PIAS2: variants seen among roughly 807,000 people sequenced by gnomAD.
The protein encoded by PIAS2 is E3 SUMO-protein ligase PIAS2.
A neutral mutation model predicts 69.7 loss-of-function variants in PIAS2; 19 were observed. The ratio of observed to expected loss-of-function variants is 0.27; its 90% CI spans 0.19 to 0.40. PIAS2 has a LOEUF of 0.40. PIAS2 is among the 10% of genes least tolerant of loss of function. PIAS2 has a pLI of 1.00. For missense variants in PIAS2, 624 were observed against 757.0 expected, an observed-to-expected ratio of 0.82 and a Z score of 2.06; for synonymous variants, 261 against 263.2, an observed-to-expected ratio of 0.99 and a Z score of 0.08.
intron 11 of PIAS2, 24 bp from the exon 12 acceptor site, chr18:46,821,096 TACAA>T (rs779078174): frequency 1.8e-5 from 29 of 1,611,694 alleles, no homozygotes; most frequent in Non-Finnish European, 2.4e-5. Flanking sequence ...CACGGGAAAT[TACAA>T]ACAATCTGGC....
intron 2 of PIAS2, among the ~76,000 whole-genome samples, chr18:46,885,306 C>T (rs1000787508): frequency 6.6e-6 from 1 of 152,042 alleles, no homozygotes; most frequent in East Asian, 1.9e-4. Flanking sequence ...ACCACGAGGT[C>T]AGGAGTTCGA....
chr18:46,917,671 C>T, upstream of PIAS2: 1 of 594,790 alleles, frequency 1.7e-6, no homozygotes, highest in Non-Finnish European at 2.1e-6. Context: ...CCCCGCTCGG[C>T]CCCAGGTCGT....
Position 46,811,450 on chromosome 18 carries a change from AG to A in PIAS2, c.*982del, listed in dbSNP as rs1457553610. 2 of 152,208 alleles carry A rather than the reference AG, an allele frequency of 1.3e-5. No individual in the cohort carries two copies. The highest frequency in any genetic ancestry group is 2.9e-5 in the Non-Finnish European group (2 of 68,038). The allele number at this position is 152,208 out of a possible 1,614,324, so 9.4% of individuals were successfully genotyped here. On this transcript the variant is annotated 3_prime_UTR_variant, in exon 14 of 14. Coordinates refer to ENST00000585916, the MANE Select transcript of PIAS2 (RefSeq NM_004671.5). ...TTCTGTAAAATAAATGAGAAAATTAAGTTGTTGGGAAGAAATTAAATTTTGT... is the reference window on the plus strand; with the variant it reads ...TTCTGTAAAATAAATGAGAAAATTAATTGTTGGGAAGAAATTAAATTTTGT...
chr18:46,818,530 T>C, intron 12 of PIAS2: 1 of 1,195,874 alleles, frequency 8.4e-7, no homozygotes, highest in African/African-American at 1.6e-5. Context: ...TCTCCATTCT[T>C]GGTGTTCTAT....
chr18:46,816,431 C>A (rs2041543169), intron 12 of PIAS2: 1 of 985,098 alleles, frequency 1.0e-6, no homozygotes. Context: ...AGAAATCATT[C>A]CAACGATTTC....
chr18:46,903,849 T>C (rs1390524446), intron 1 of PIAS2, among the ~76,000 whole-genome samples: 1 of 152,172 alleles, frequency 6.6e-6, no homozygotes, highest in Admixed American at 6.5e-5. Context: ...TTAAACAAAC[T>C]ATAGTGAATT....
chr18:46,876,989 A>G (rs2051318397), intron 2 of PIAS2, among the ~76,000 whole-genome samples: 1 of 152,112 alleles, frequency 6.6e-6, no homozygotes, highest in Non-Finnish European at 1.5e-5. Flanking sequence ...CGTGAGCCAC[A>G]GTGCCCGGCC....
At chr18:46,913,429 C>T (rs1269561182) in intron 1 of PIAS2, among the ~76,000 whole-genome samples, 1 of 152,138 alleles carries the variant, frequency 6.6e-6, no homozygotes, top group Non-Finnish European at 1.5e-5. Flanking sequence ...ATAAAGTTAT[C>T]ATCGCTGGCT....
intron 11 of PIAS2, 116 bp downstream of exon 11, chr18:46,827,843 G>A (rs971529149): frequency 1.4e-5 from 12 of 879,772 alleles, no homozygotes; most frequent in Non-Finnish European, 2.0e-5. Flanking sequence ...CTCAACAAAG[G>A]CAAATTAAAA....
At chr18:46,918,046 A>C (rs2058194667), upstream of PIAS2, 1 of 151,642 alleles carries the variant, frequency 6.6e-6, no homozygotes, top group African/African-American at 2.4e-5. Flanking sequence ...AAGGTCACGG[A>C]CTGCAGAGTT....
At chr18:46,904,787 A>G (rs1276944915) in intron 1 of PIAS2, among the ~76,000 whole-genome samples, 1 of 150,306 alleles carries the variant, frequency 6.7e-6, no homozygotes, top group African/African-American at 2.4e-5. Flanking sequence ...TGGGGGTCTC[A>G]CTATGGTACC....
chr18:46,913,356 C>A (rs117185943), intron 1 of PIAS2, among the ~76,000 whole-genome samples: 1 of 152,082 alleles, frequency 6.6e-6, no homozygotes, highest in East Asian at 1.9e-4. Context: ...ATCTGATCTT[C>A]GAATTATGAC....
chr18:46,836,506 C>T lies in PIAS2; in HGVS notation c.1053G>A (p.Met351Ile). 1 of 1,611,268 alleles carries T rather than the reference C, an allele frequency of 6.2e-7. No individual in the cohort carries two copies. The highest frequency in any genetic ancestry group is 8.5e-7 in the Non-Finnish European group (1 of 1,178,180). Residue 351 changes from methionine to isoleucine, a missense_variant, in exon 9 of 14, where the codon ATG becomes ATA. Physicochemically the swap from Met to Ile is conservative, Grantham distance 10. This residue lies in a region of PIAS2 where 44 missense variants were observed against 90.9 expected (regional missense o/e 0.48). Transcript: ENST00000585916. ...RVSLMCPLGK[M>I]RLTIPCRAVT... The stretch of plus-strand genomic sequence containing the variant: ...CTGCACGGCATGGGATTGTCAGCCT[C>T]ATTTTTCCTAACTACAGGACAGGAA...
chr18:46,873,777 A>G (rs1461981648), intron 2 of PIAS2, among the ~76,000 whole-genome samples: 1 of 152,220 alleles, frequency 6.6e-6, no homozygotes, highest in Non-Finnish European at 1.5e-5. Flanking sequence ...CCAGGACACC[A>G]GAAAAATCCT....
chr18:46,822,669 C>T (rs754941240), intron 11 of PIAS2, among the ~76,000 whole-genome samples: 2 of 152,070 alleles, frequency 1.3e-5, no homozygotes, highest in African/African-American at 4.8e-5. Flanking sequence ...AGGGATCAAA[C>T]GAACAGGACA....
At chr18:46,889,188 G>C (rs1437442443) in intron 2 of PIAS2, among the ~76,000 whole-genome samples, 1 of 152,150 alleles carries the variant, frequency 6.6e-6, no homozygotes, top group African/African-American at 2.4e-5. Context: ...TGATTTCTTG[G>C]ATATGACACC....
At chr18:46,877,848 T>C (rs990273120) in intron 2 of PIAS2, among the ~76,000 whole-genome samples, 3 of 152,228 alleles carry the variant, frequency 2.0e-5, no homozygotes, top group Non-Finnish European at 4.4e-5. Context: ...ATTTTCCTTA[T>C]GACTCCGAGC....
Position 46,812,410 on chromosome 18 carries a change from C to A in PIAS2, c.*23G>T. 1 of 1,513,006 alleles carries A rather than the reference C, an allele frequency of 6.6e-7. No homozygotes were observed. Among genetic ancestry groups the A allele is most frequent in the Non-Finnish European group, 9.1e-7 (1 of 1,097,916 alleles). The allele number at this position is 1,513,006 out of a possible 1,614,324, so 93.7% of individuals were successfully genotyped here. On this transcript the variant is annotated 3_prime_UTR_variant, in exon 14 of 14. Coordinates refer to ENST00000585916, the MANE Select transcript of PIAS2 (RefSeq NM_004671.5). The stretch of plus-strand genomic sequence containing the variant: ...GAAAAAGCAGTTCTGATGAATGATT[C>A]CCAGAATCAAGTGAGTCCTCCTTTA...
chr18:46,812,569 G>C lies in PIAS2; in HGVS notation c.1730C>G (p.Thr577Arg), dbSNP rs762690648. The C allele has an allele frequency of 1.2e-6, 2 of 1,613,344 alleles. No homozygotes were observed. Among genetic ancestry groups the C allele is most frequent in the Non-Finnish European group, 1.7e-6 (2 of 1,179,350 alleles). Residue 577 changes from threonine (T) to arginine (R), a missense_variant, in exon 14 of 14, where the codon ACA (threonine) becomes AGA (arginine). Thr to Arg is a moderately conservative substitution (Grantham distance 71). Around this residue, in one of 3 missense-constraint regions of PIAS2, gnomAD observed 241 missense variants for 257.3 expected, o/e 0.94. Transcript: ENST00000585916. ...GGTGGTGACAGACGTACTGCTTGCT[G>C]TTAAGGGTGAGGTGAGACTATCCAA... Reference protein sequence around the residue: ...MFLDSLTSPLTASSTSVTTTS... With the variant: ...MFLDSLTSPLRASSTSVTTTS...
Sources: gnomAD v4.1 joint callset for allele counts (sites outside exome capture counted in the v4.1 genomes callset) on GRCh38, gnomAD v4.1.1 for gene constraint, gnomAD v4.1.1 regional missense constraint, MANE v1.5 for transcripts, NCBI Gene and HGNC (gene_info 2026-07-23, HGNC 2026-07-21) for gene names.